Variants in NTF4 observed in about 807,000 individuals in gnomAD.
NTF4 encodes neurotrophin-4.
A neutral mutation model predicts 4.4 loss-of-function variants in NTF4; 2 were observed. The observed-to-expected ratio is 0.46, with a 90% CI of 0.19 to 1.44. The LOEUF (loss-of-function observed/expected upper bound fraction) is 1.44, where lower values mean the gene tolerates loss of function less well. NTF4 is among the 40% of genes most tolerant of loss of function. NTF4 has a pLI of 0.26. For missense variants in NTF4, 260 were observed against 293.0 expected (o/e 0.89, Z 0.82); for synonymous variants, 127 against 122.0 (o/e 1.04, Z -0.27).
chr19:49,059,121 AG>A (rs1447898784), downstream of NTF4, among the ~76,000 whole-genome samples: 1 of 152,094 alleles, frequency 6.6e-6, no homozygotes, highest in Non-Finnish European at 1.5e-5. Flanking sequence ...GACATCCATG[AG>A]AAACACCCCC....
At chr19:49,058,816 GC>G, downstream of NTF4, 1 of 158,258 alleles carries the variant, frequency 6.3e-6, no homozygotes, top group Non-Finnish European at 1.4e-5. Flanking sequence ...TGTTGCTGTT[GC>G]CCCAGGTGAC....
At chr19:49,062,990 A>G (rs1475740211), upstream of NTF4, among the ~76,000 whole-genome samples, 1 of 150,702 alleles carries the variant, frequency 6.6e-6, no homozygotes, top group Non-Finnish European at 1.5e-5. Flanking sequence ...ACAGTCTTGC[A>G]TCTTGGAGGA....
downstream of NTF4, chr19:49,058,429 C>T: frequency 1.4e-6 from 1 of 702,390 alleles, no homozygotes; most frequent in Non-Finnish European, 2.3e-6. Flanking sequence ...CTCTTCCAGT[C>T]GGCCCCCAGC....
upstream of NTF4, chr19:49,062,033 G>A (rs1342274453): frequency 2.8e-6 from 4 of 1,436,828 alleles, no homozygotes; most frequent in Middle Eastern, 2.1e-4. Context: ...GAGGGAGGCT[G>A]GGATTAGAGA....
chr19:49,060,556 G>A (rs372382134), downstream of NTF4: 1 of 151,968 alleles, frequency 6.6e-6, no homozygotes, highest in East Asian at 1.9e-4. Context: ...GGCTAGTCTC[G>A]AACTCCTGAC....
rs755200724 is a variant in NTF4, at chr19:49,061,356, G to A, written c.*9C>T. The A allele has an allele frequency of 9.9e-6, 16 of 1,611,616 alleles. No individual in the cohort carries two copies. The highest frequency in any genetic ancestry group is 1.1e-5 in the Non-Finnish European group (13 of 1,180,024). ...GCATCCAGCTCTGTTATTTTCCTGG[G>A]CATGGGTCTCAGGCCCGGCCAGTCC... On this transcript the variant is annotated 3_prime_UTR_variant, in exon 1 of 1. Transcript: ENST00000593537. This position sits in a 1 kb window ranked among gnomAD's most constrained non-coding sequence, Gnocchi z 4.9.
upstream of NTF4, chr19:49,064,430 C>G (rs2040191059): frequency 6.3e-6 from 1 of 158,896 alleles, no homozygotes; most frequent in South Asian, 1.7e-4. Flanking sequence ...AGATCCCCAG[C>G]GCCCTCCTCC....
Position 49,061,187 on chromosome 19 carries a change from C to A in NTF4, c.*178G>T. On this transcript the variant is annotated 3_prime_UTR_variant, in exon 1 of 1. Transcript: ENST00000593537. The surrounding 1 kb of genome is among the most constrained non-coding windows in gnomAD (Gnocchi z 4.9). The stretch of plus-strand genomic sequence containing the variant: ...ACCCTCAAGTTGCTCCAGGAGAACT[C>A]CTATTCAACCTCCAAAACCCCATGT... The A allele has an allele frequency of 8.1e-7, 1 of 1,231,302 alleles. No individual in the cohort carries two copies. The highest frequency in any genetic ancestry group is 1.1e-6 in the Non-Finnish European group (1 of 898,080). The allele number at this position is 1,231,302 out of a possible 1,614,324, so 76.3% of individuals were successfully genotyped here.
downstream of NTF4, chr19:49,058,404 A>C (rs573187927): frequency 3.3e-3 from 2,596 of 798,284 alleles, 7 homozygotes; most frequent in Middle Eastern, 0.017. Flanking sequence ...ATCACCCCCC[A>C]CCCCAAACTC....
upstream of NTF4, chr19:49,064,743 C>T (rs529172374): frequency 2.9e-4 from 44 of 152,980 alleles, no homozygotes; most frequent in South Asian, 2.5e-3. Context: ...ATGCAGACTC[C>T]GGGTTCCTCA....
chr19:49,058,523 G>T, downstream of NTF4: 1 of 532,746 alleles, frequency 1.9e-6, no homozygotes, highest in Non-Finnish European at 3.3e-6. Context: ...CTCCTTCAGA[G>T]AGGAGTCCAA....
chr19:49,061,837 G>T lies in NTF4; in HGVS notation c.161C>A (p.Ala54Asp). 6.4e-7 allele frequency: 1 copy of T among 1,550,730 alleles called. No homozygotes were observed. The highest frequency in any genetic ancestry group is 8.7e-7 in the Non-Finnish European group (1 of 1,147,180). ...CAGCAGGAAGAGCAGAGGGGGCCCA[G>T]CAGGGGCACCCCTAGACAGGACTAC... is the stretch of plus-strand genomic sequence containing the variant. The change falls in exon 1 of 1, where the codon GCT becomes GAT. Residue 54 changes from alanine (A) to aspartate (D), a missense_variant. By Grantham distance (126) the Ala-to-Asp change is moderately radical. Transcript: ENST00000593537. The surrounding 1 kb of genome is among the most constrained non-coding windows in gnomAD (Gnocchi z 4.9).
Position 49,061,737 on chromosome 19 carries a change from T to C in NTF4, c.261A>G (p.Pro87=). 1.2e-6 allele frequency: 2 copies of C among 1,611,268 alleles called. No individual in the cohort carries two copies. The highest frequency in any genetic ancestry group is 1.7e-6 in the Non-Finnish European group (2 of 1,179,148). Residue 87 remains proline, a synonymous_variant, in exon 1 of 1, where the codon CCA becomes CCG. Transcript: ENST00000593537. The surrounding 1 kb of genome is among the most constrained non-coding windows in gnomAD (Gnocchi z 4.9). ...CAGCCAGCTCACCCCGACGACTCGCTGGTGCAGTTTCGCTCACCCCACGCC... is the reference window on the plus strand; with the variant it reads ...CAGCCAGCTCACCCCGACGACTCGCCGGTGCAGTTTCGCTCACCCCACGCC...
upstream of NTF4, among the ~76,000 whole-genome samples, chr19:49,063,222 G>C (rs1234266388): frequency 6.6e-6 from 1 of 151,940 alleles, no homozygotes. Flanking sequence ...GGCCAGACTG[G>C]TCTTGAACTC....
chr19:49,062,098 C>G (rs998798619), upstream of NTF4: 3 of 1,380,994 alleles, frequency 2.2e-6, no homozygotes, highest in Non-Finnish European at 2.8e-6. Context: ...GGAGGCTTGC[C>G]TGCCAGGATT....
upstream of NTF4, chr19:49,063,605 G>A (rs1365803408): frequency 2.6e-5 from 4 of 152,194 alleles, no homozygotes; most frequent in Non-Finnish European, 5.9e-5. Flanking sequence ...TTCCCTGTGT[G>A]TGAAATTGAC....
upstream of NTF4, chr19:49,062,133 T>C (rs1378085940): frequency 9.2e-7 from 1 of 1,086,630 alleles, no homozygotes; most frequent in African/African-American, 1.6e-5. Context: ...GTTCTAGAAG[T>C]TTGGGGGACC....
chr19:49,061,728 A>G lies in NTF4; in HGVS notation c.270T>C (p.Arg90=). The stretch of plus-strand genomic sequence containing the variant: ...CATCGCACACAGCCAGCTCACCCCG[A>G]CGACTCGCTGGTGCAGTTTCGCTCA... The change falls in exon 1 of 1, where the codon CGT becomes CGC. Residue 90 remains arginine, a synonymous_variant. Coordinates refer to ENST00000593537, the Ensembl canonical transcript of NTF4. This position sits in a 1 kb window ranked among gnomAD's most constrained non-coding sequence, Gnocchi z 4.9. 2 of 1,612,424 alleles carry G rather than the reference A, an allele frequency of 1.2e-6. No individual in the cohort carries two copies. Among genetic ancestry groups the G allele is most frequent in the Admixed American group, 3.3e-5 (2 of 59,908 alleles).
downstream of NTF4, chr19:49,058,346 A>G: frequency 7.0e-7 from 1 of 1,433,194 alleles, no homozygotes; most frequent in Non-Finnish European, 9.2e-7. Context: ...GCGACCGTGG[A>G]CTGGAGAGAA....
Sources: gnomAD v4.1 joint callset for allele counts (sites outside exome capture counted in the v4.1 genomes callset) on GRCh38, gnomAD v4.1.1 for gene constraint, Gnocchi (gnomAD v3.1) non-coding constraint, MANE v1.5 for transcripts, NCBI Gene and HGNC (gene_info 2026-07-23, HGNC 2026-07-21) for gene names.